NBAS: variants seen among roughly 807,000 people sequenced by gnomAD.
NBAS encodes the protein NBAS subunit of NRZ tethering complex, also known as NAG/BC035112 fusion.
A neutral mutation model predicts 302.5 loss-of-function variants in NBAS; 219 were observed. The ratio of observed to expected loss-of-function variants is 0.72; its 90% CI spans 0.65 to 0.81. NBAS has a LOEUF of 0.81. Among genes scored for constraint, NBAS ranks in the 30% least tolerant of loss-of-function variants. NBAS has a pLI of 0.00. For missense variants in NBAS, 2,932 were observed against 2,841.6 expected (o/e 1.03, Z -0.72); for synonymous variants, 1,118 against 1,021.6 (o/e 1.09, Z -1.80).
At chr2:15,393,545 T>C in intron 28 of NBAS, 1 of 382,036 alleles carries the variant, frequency 2.6e-6, no homozygotes, top group Non-Finnish European at 5.3e-6. Flanking sequence ...TTTGGCAGTT[T>C]TTGAAAGTTA....
At chr2:15,171,543 AT>A (rs1664290674) in intron 51 of NBAS, among the ~76,000 whole-genome samples, 1 of 152,218 alleles carries the variant, frequency 6.6e-6, no homozygotes, top group Non-Finnish European at 1.5e-5. Flanking sequence ...GTTGTCTGAT[AT>A]TACTGAAACA....
chr2:15,023,025 A>G, the NBAS span, among the ~76,000 whole-genome samples: 3 of 151,928 alleles, frequency 2.0e-5, no homozygotes, highest in Non-Finnish European at 4.4e-5. Context: ...GTCCATCTTA[A>G]TAAGCTATAT....
At chr2:15,532,637 T>A (rs1475090793) in intron 9 of NBAS, among the ~76,000 whole-genome samples, 1 of 151,680 alleles carries the variant, frequency 6.6e-6, no homozygotes, top group Non-Finnish European at 1.5e-5. Context: ...TAAATAAACA[T>A]TGTGTAAAAT....
At chr2:14,874,557 G>T in the NBAS span, among the ~76,000 whole-genome samples, 5 of 151,068 alleles carry the variant, frequency 3.3e-5, no homozygotes, top group Admixed American at 6.6e-5. Flanking sequence ...GGAGAATGGC[G>T]TGAATCCGGG....
At chr2:14,872,937 T>C in the NBAS span, among the ~76,000 whole-genome samples, 2 of 152,168 alleles carry the variant, frequency 1.3e-5, no homozygotes, top group African/African-American at 4.8e-5. Flanking sequence ...TGCAGAACTT[T>C]GTGGTGAGTG....
the NBAS span, chr2:14,886,704 T>C: frequency 6.6e-6 from 1 of 152,260 alleles, no homozygotes; most frequent in African/African-American, 2.4e-5. Context: ...TCTATTACCA[T>C]TCTTTTTCCT....
the NBAS span, among the ~76,000 whole-genome samples, chr2:15,024,535 A>C: frequency 1.3e-5 from 2 of 152,124 alleles, no homozygotes; most frequent in Non-Finnish European, 1.5e-5. Context: ...TCTTTGAGGA[A>C]TGGCCACATT....
the NBAS span, among the ~76,000 whole-genome samples, chr2:14,810,893 C>A: frequency 2.6e-5 from 4 of 152,206 alleles, no homozygotes; most frequent in Admixed American, 2.0e-4. Context: ...TGTATTTTTA[C>A]ATGAAACACT....
At chr2:15,440,801 A>C (rs980712091) in intron 21 of NBAS, among the ~76,000 whole-genome samples, 9 of 152,136 alleles carry the variant, frequency 5.9e-5, no homozygotes, top group Admixed American at 5.9e-4. Flanking sequence ...CAATACAGAG[A>C]AGTGCTTAAA....
chr2:15,386,211 C>T (rs1389266720), intron 28 of NBAS, among the ~76,000 whole-genome samples: 1 of 152,018 alleles, frequency 6.6e-6, no homozygotes, highest in African/African-American at 2.4e-5. Context: ...CTGCAAGAGA[C>T]AGTCAGAGAG....
rs188522145 is a variant in NBAS at position 15,191,421 on chromosome 2, G to T, written c.6433-1018C>A. ...TATGAAATTATCACTAATTGCTATG[G>T]GAAGCCTTGTTCACACAGTGACCCA... On this transcript the variant is annotated intron_variant, in intron 48 of 51. Coordinates refer to ENST00000281513, the MANE Select transcript of NBAS (RefSeq NM_015909.4). Among the ~76,000 whole-genome samples, 41 of 152,236 alleles carry T rather than the reference G, an allele frequency of 2.7e-4. 1 individual carries two copies. The East Asian group carries it at 5.6e-3, about 21-fold the overall frequency.
chr2:15,451,938 CTTAT>C (rs995221815), intron 21 of NBAS, among the ~76,000 whole-genome samples: 17 of 151,530 alleles, frequency 1.1e-4, no homozygotes, highest in African/African-American at 4.1e-4. Flanking sequence ...CACTCTAAAG[CTTAT>C]TTAATCTTAA....
chr2:15,398,293 G>A (rs901950784), intron 26 of NBAS, among the ~76,000 whole-genome samples: 2 of 151,926 alleles, frequency 1.3e-5, no homozygotes, highest in Non-Finnish European at 1.5e-5. Context: ...AAAGCTGTAC[G>A]CTACCAAACC....
intron 32 of NBAS, among the ~76,000 whole-genome samples, chr2:15,362,258 G>A (rs1244956124): frequency 1.3e-5 from 2 of 150,978 alleles, no homozygotes; most frequent in African/African-American, 4.9e-5. Context: ...TAGGAGGATC[G>A]TTTGTGGGAA....
chr2:15,110,893 T>C, the NBAS span, among the ~76,000 whole-genome samples: 1 of 151,776 alleles, frequency 6.6e-6, no homozygotes, highest in Non-Finnish European at 1.5e-5. Flanking sequence ...AAACACGAAC[T>C]AAAATAAAGG....
intron 48 of NBAS, among the ~76,000 whole-genome samples, chr2:15,198,374 G>C (rs756547862): frequency 2.6e-5 from 4 of 152,214 alleles, no homozygotes; most frequent in Non-Finnish European, 5.9e-5. Flanking sequence ...TATAAGAAGT[G>C]AGAAGTTAAC....
the NBAS span, among the ~76,000 whole-genome samples, chr2:14,963,764 AT>A: frequency 3.0e-4 from 45 of 152,170 alleles, no homozygotes; most frequent in African/African-American, 1.1e-3. Flanking sequence ...CTTGAGCCCA[AT>A]TTTCTCTGGA....
At chr2:14,875,258 G>A in the NBAS span, among the ~76,000 whole-genome samples, 5 of 152,112 alleles carry the variant, frequency 3.3e-5, no homozygotes, top group African/African-American at 4.8e-5. Flanking sequence ...CAAACAAAAC[G>A]CTAGAACTAG....
At chr2:15,429,900 A>G (rs1006339143) in intron 21 of NBAS, among the ~76,000 whole-genome samples, 1 of 152,216 alleles carries the variant, frequency 6.6e-6, no homozygotes, top group Non-Finnish European at 1.5e-5. Context: ...CTAATATTTT[A>G]TCACAGATCA....
Sources: gnomAD v4.1 joint callset for allele counts (sites outside exome capture counted in the v4.1 genomes callset) on GRCh38, gnomAD v4.1.1 for gene constraint, MANE v1.5 for transcripts, NCBI Gene and HGNC (gene_info 2026-07-23, HGNC 2026-07-21) for gene names.